PCDHA10: variants seen among roughly 807,000 people sequenced by gnomAD.
The protein encoded by PCDHA10 is protocadherin alpha-10.
In PCDHA10, 45 loss-of-function variants were observed where a neutral mutation model predicts 61.2. The ratio of observed to expected loss-of-function variants is 0.74; its 90% CI spans 0.58 to 0.94. PCDHA10 has a LOEUF of 0.94. Ranked by LOEUF, PCDHA10 falls within the 40% of genes least tolerant of loss-of-function variation. The pLI is 0.00. For missense variants in PCDHA10, 1,278 were observed against 1,236.2 expected (o/e 1.03, Z -0.51); for synonymous variants, 602 against 548.8 (o/e 1.10, Z -1.35).
chr5:140,888,088 C>G (rs941828532), intron 1 of PCDHA10, among the ~76,000 whole-genome samples: 3 of 151,906 alleles, frequency 2.0e-5, no homozygotes, highest in African/African-American at 4.8e-5. Flanking sequence ...ACATTTTTGT[C>G]CTTAGTTTGC....
intron 1 of PCDHA10, among the ~76,000 whole-genome samples, chr5:140,952,764 G>A (rs1554220603): frequency 6.6e-6 from 1 of 152,116 alleles, no homozygotes; most frequent in Non-Finnish European, 1.5e-5. Flanking sequence ...CCTGAGACTG[G>A]ATAATTTAGA....
intron 3 of PCDHA10, among the ~76,000 whole-genome samples, chr5:141,000,900 G>A (rs1020896392): frequency 6.6e-6 from 1 of 151,614 alleles, no homozygotes; most frequent in African/African-American, 2.4e-5. Flanking sequence ...AGATATAGAC[G>A]CTGTCTCTAA....
intron 1 of PCDHA10, among the ~76,000 whole-genome samples, chr5:140,946,626 A>G (rs2093985217): frequency 7.5e-6 from 1 of 132,480 alleles, no homozygotes; most frequent in Non-Finnish European, 1.6e-5. Context: ...ATATATATAT[A>G]TATATACAAT....
rs1379948594 is a variant in PCDHA10, at chr5:140,982,575, G to A, written c.2536+12G>A. ...CAGTGCAACACCAGGTAAAGAGCTGGGGTCTCTCCATTCTTTCTTGGTTTC... is the reference window on the plus strand; with the variant it reads ...CAGTGCAACACCAGGTAAAGAGCTGAGGTCTCTCCATTCTTTCTTGGTTTC... On this transcript the variant is annotated intron_variant, in intron 3 of 3. Coordinates refer to ENST00000307360, the MANE Select transcript of PCDHA10 (RefSeq NM_018901.4). The A allele has an allele frequency of 6.2e-7, 1 of 1,613,444 alleles. No homozygotes were observed. The highest frequency in any genetic ancestry group is 8.5e-7 in the Non-Finnish European group (1 of 1,179,518).
At chr5:140,994,515 C>T (rs1450335712) in intron 3 of PCDHA10, among the ~76,000 whole-genome samples, 1 of 150,120 alleles carries the variant, frequency 6.7e-6, no homozygotes, top group African/African-American at 2.5e-5. Flanking sequence ...ACAGCCTGGG[C>T]AACATGGCAA....
intron 1 of PCDHA10, among the ~76,000 whole-genome samples, chr5:140,886,827 GAAAAAAAAAA>G (rs782016620): frequency 1.6e-5 from 1 of 60,890 alleles, no homozygotes; most frequent in East Asian, 5.7e-4. Flanking sequence ...ACTTCGTCTT[GAAAAAAAAAA>G]AAAAAAAAAA....
In PCDHA10 at chr5:140,856,840, C is replaced by T. The variant is rs782759448; in HGVS notation, c.792C>T (p.Asn264=). Residue 264 remains asparagine, a synonymous_variant, in exon 1 of 4, where the codon AAC becomes AAT. Transcript: ENST00000307360. ...ACCAAACATTAGTAATACGGCTCAA[C>T]GCTTCTGATTCGGATGAAGGAATAA... is the stretch of plus-strand genomic sequence containing the variant. ...QVNQTLVIRL[N]ASDSDEGINK... The T allele has an allele frequency of 7.5e-6, 12 of 1,591,778 alleles. 2 individuals are homozygous for T. The highest frequency in any genetic ancestry group is 4.0e-5 in the African/African-American group (3 of 74,140).
At chr5:140,958,796 T>C (rs2095443333) in intron 1 of PCDHA10, among the ~76,000 whole-genome samples, 2 of 152,182 alleles carry the variant, frequency 1.3e-5, no homozygotes, top group Admixed American at 6.5e-5. Context: ...TCTAGTAAAT[T>C]ATCACACCAT....
rs1319185539 is a variant in PCDHA10 at position 140,856,553 on chromosome 5, T to C, written c.505T>C (p.Tyr169His). Residue 169 changes from tyrosine to histidine, a missense_variant, in exon 1 of 4, where the codon TAC (tyrosine) becomes CAC (histidine). By Grantham distance (83) the Tyr-to-His change is moderately conservative. Transcript: ENST00000307360. ...TGTTGGAGAGAACGCATTGCTTACT[T>C]ACAAACTCAGTCCAAATGAGTATTT... ...ADVGENALLT[Y>H]KLSPNEYFVL... 1 of 1,598,066 alleles carries C rather than the reference T, an allele frequency of 6.3e-7. No individual in the cohort carries two copies. The highest frequency in any genetic ancestry group is 1.3e-5 in the African/African-American group (1 of 74,290).
intron 1 of PCDHA10, among the ~76,000 whole-genome samples, chr5:140,897,778 TG>T (rs1385536315): frequency 6.6e-6 from 1 of 152,208 alleles, no homozygotes; most frequent in Non-Finnish European, 1.5e-5. Flanking sequence ...ACTTCCACAA[TG>T]GTTGAACTAG....
Position 141,010,072 on chromosome 5 carries a change from C to T in PCDHA10, c.*135C>T. The T allele has an allele frequency of 3.1e-6, 5 of 1,606,334 alleles. No individual in the cohort carries two copies. The highest frequency in any genetic ancestry group is 4.3e-6 in the Non-Finnish European group (5 of 1,176,104). On this transcript the variant is annotated 3_prime_UTR_variant, in exon 4 of 4. Transcript: ENST00000307360. Reference sequence around the variant, plus strand: ...ACCTCAGAAATCTGCAGAAAGTTCCCTGTGTCTGTCTAGAACGCATTTAAC... The same window carrying T: ...ACCTCAGAAATCTGCAGAAAGTTCCTTGTGTCTGTCTAGAACGCATTTAAC...
chr5:140,890,776 A>T (rs1554184541), intron 1 of PCDHA10, among the ~76,000 whole-genome samples: 2 of 152,198 alleles, frequency 1.3e-5, no homozygotes, highest in Non-Finnish European at 2.9e-5. Context: ...TTAAAACCCC[A>T]TAAGATATTA....
chr5:140,899,468 G>A (rs1243330987), intron 1 of PCDHA10, among the ~76,000 whole-genome samples: 131 of 152,196 alleles, frequency 8.6e-4, no homozygotes, highest in Admixed American at 2.5e-3. Context: ...TTTGTCTTTG[G>A]TTCTGTTTAT....
chr5:140,871,657 T>A, intron 1 of PCDHA10: 1 of 1,228,196 alleles, frequency 8.1e-7, no homozygotes, highest in Non-Finnish European at 1.1e-6. Context: ...ATGATACACA[T>A]CTTCAGTCTT....
chr5:140,994,102 A>G (rs2097596379), intron 3 of PCDHA10, among the ~76,000 whole-genome samples: 1 of 152,194 alleles, frequency 6.6e-6, no homozygotes, highest in African/African-American at 2.4e-5. Context: ...TGATGGAAAT[A>G]TTACATTGTC....
intron 1 of PCDHA10, chr5:140,877,750 T>C (rs782654875): frequency 6.2e-7 from 1 of 1,614,146 alleles, no homozygotes; most frequent in Non-Finnish European, 8.5e-7. Flanking sequence ...GAGGGTGTGC[T>C]CTGCAGAGAG....
In PCDHA10 at chr5:140,984,045, T is replaced by C. The variant is rs77384794; in HGVS notation, c.2536+1482T>C. Among the ~76,000 whole-genome samples, 455 of 152,316 alleles carry C rather than the reference T, an allele frequency of 3.0e-3. 7 individuals carry two copies. In the East Asian group the frequency reaches 0.044, roughly 15 times the overall value. On this transcript the variant is annotated intron_variant, in intron 3 of 3. Transcript: ENST00000307360. ...AAGGGGAAAAACATAAAATAGTTCA[T>C]TGACAAATCTGTACCCTCAGTGCCA... is the stretch of plus-strand genomic sequence containing the variant.
chr5:140,906,459 A>G (rs1217443805), intron 1 of PCDHA10, among the ~76,000 whole-genome samples: 1 of 152,236 alleles, frequency 6.6e-6, no homozygotes. Context: ...AAATGAAGAT[A>G]TTTTCTTAGT....
intron 1 of PCDHA10, chr5:140,864,760 T>C (rs1282604676): frequency 6.6e-6 from 1 of 152,230 alleles, no homozygotes; most frequent in Non-Finnish European, 1.5e-5. Flanking sequence ...TCATTTTTCT[T>C]TCATTTTTGG....
Sources: allele counts gnomAD v4.1 joint callset (sites outside exome capture counted in the v4.1 genomes callset), GRCh38; gene constraint gnomAD v4.1.1; transcripts MANE v1.5; gene names NCBI Gene and HGNC (gene_info 2026-07-23, HGNC 2026-07-21).